Variants in ABCC12 observed in about 807,000 individuals in gnomAD.
ABCC12 encodes the protein ATP binding cassette subfamily C member 12.
Under a neutral mutation model 151.1 loss-of-function variants are expected in ABCC12, and 142 were observed. That is an observed-to-expected ratio of 0.94 (90% confidence interval 0.82 to 1.08). The LOEUF (loss-of-function observed/expected upper bound fraction) is 1.08. Among genes scored for constraint, ABCC12 ranks in the 50% least tolerant of loss-of-function variants. The pLI is 0.00. For missense variants in ABCC12, 1,638 were observed against 1,691.1 expected, an observed-to-expected ratio of 0.97 and a Z score of 0.55; for synonymous variants, 645 against 646.4, an observed-to-expected ratio of 1.00 and a Z score of 0.03.
chr16:48,116,852 G>A (rs372075531), intron 14 of ABCC12, among the ~76,000 whole-genome samples: 8 of 152,218 alleles, frequency 5.3e-5, no homozygotes, highest in Admixed American at 2.0e-4. Context: ...GGCTCAGCCC[G>A]TTTGGACAAG....
chr16:48,131,563 G>A (rs574313368), intron 9 of ABCC12, among the ~76,000 whole-genome samples: 3 of 152,290 alleles, frequency 2.0e-5, no homozygotes, highest in Admixed American at 2.0e-4. Flanking sequence ...TGCATAGTGG[G>A]TGGTTAATAT....
At chr16:48,138,536 T>C (rs1964688992) in intron 7 of ABCC12, among the ~76,000 whole-genome samples, 161 bp from the exon 8 acceptor site, 1 of 152,192 alleles carries the variant, frequency 6.6e-6, no homozygotes, top group South Asian at 2.1e-4. Flanking sequence ...GTTGATGCTG[T>C]CTGAGGAACA....
In ABCC12 at chr16:48,140,788, T is replaced by C. The variant is rs368065021; in HGVS notation, c.556A>G (p.Ile186Val). 5.5e-5 allele frequency: 89 copies of C among 1,614,076 alleles called. No homozygotes were observed. The highest frequency in any genetic ancestry group is 7.5e-5 in the Non-Finnish European group (89 of 1,180,044). The change falls in exon 6 of 31, where the codon ATC becomes GTC. Residue 186 changes from isoleucine (I) to valine (V), a missense_variant. Physicochemically the swap from Ile to Val is conservative, Grantham distance 29 (BLOSUM62 3). Transcript: ENST00000311303. Reference sequence around the variant, plus strand: ...AACCGGATGGCCGTGCGGTAGTTGATGGCCCAGGCAAGGGCCCAAAAGAAG... The same window carrying C: ...AACCGGATGGCCGTGCGGTAGTTGACGGCCCAGGCAAGGGCCCAAAAGAAG... Reference protein sequence around the residue: ...KVFFWALAWAINYRTAIRLKV... With the variant: ...KVFFWALAWAVNYRTAIRLKV...
intron 3 of ABCC12, among the ~76,000 whole-genome samples, chr16:48,145,346 T>G (rs2034072977): frequency 6.6e-6 from 1 of 152,222 alleles, no homozygotes; most frequent in Admixed American, 6.5e-5. Context: ...ATGGTTAGCA[T>G]AATGCTAATA....
intron 24 of ABCC12, among the ~76,000 whole-genome samples, chr16:48,092,723 C>T (rs1471119540): frequency 6.6e-5 from 10 of 152,226 alleles, no homozygotes; most frequent in East Asian, 5.8e-4. Flanking sequence ...AAGGCCACTG[C>T]GGGAGTGACA....
chr16:48,085,816 C>T (rs1036181879), intron 28 of ABCC12, 110 bp from the exon 29 acceptor site: 13 of 885,316 alleles, frequency 1.5e-5, no homozygotes, highest in Non-Finnish European at 2.2e-5. Context: ...CTTTATTTTA[C>T]TGTGGCAAAG....
At chr16:48,112,507 A>T (rs538236235) in intron 15 of ABCC12, among the ~76,000 whole-genome samples, 1 of 152,314 alleles carries the variant, frequency 6.6e-6, no homozygotes, top group East Asian at 1.9e-4. Context: ...AGGCAGGAGA[A>T]TCGCTTGAAC....
intron 25 of ABCC12, among the ~76,000 whole-genome samples, chr16:48,090,342 C>T (rs1351426138): frequency 6.6e-6 from 1 of 151,812 alleles, no homozygotes; most frequent in Non-Finnish European, 1.5e-5. Context: ...ACCCTACCTC[C>T]TTAACCTTCT....
intron 25 of ABCC12, among the ~76,000 whole-genome samples, chr16:48,089,751 T>A (rs1446543981): frequency 6.6e-6 from 1 of 152,246 alleles, no homozygotes; most frequent in Non-Finnish European, 1.5e-5. Context: ...ATTTTTAGTT[T>A]AAGAAATCTG....
chr16:48,124,416 A>G, intron 11 of ABCC12, 132 bp from the exon 12 acceptor site: 1 of 824,308 alleles, frequency 1.2e-6, no homozygotes. Flanking sequence ...GCTCTGGGGC[A>G]TGGCAGCTGC....
At chr16:48,143,796 A>G (rs1964902935) in intron 4 of ABCC12, 114 bp downstream of exon 4, 2 of 1,356,552 alleles carry the variant, frequency 1.5e-6, no homozygotes, top group South Asian at 3.0e-5. Context: ...CCCCAGTCAC[A>G]TGGAACTGTG....
In ABCC12 at chr16:48,104,333, AGTCGT is replaced by A. The variant is rs565086106; in HGVS notation, c.2704_2708del (p.Thr902SerfsTer116). On this transcript the variant is annotated frameshift_variant, in exon 22 of 31. Coordinates refer to ENST00000311303, the MANE Select transcript of ABCC12 (RefSeq NM_001393797.1). LOFTEE classifies it high-confidence loss of function. ...AACGGTTCATTAGCCTGCCAGTGGG[AGTCGT>A]GTCAAAGAAACTCATTGGGCTCTTT... The A allele has an allele frequency of 5.3e-4, 860 of 1,614,228 alleles. 18 individuals are homozygous for A. The South Asian group carries it at 8.9e-3, about 17-fold the overall frequency.
intron 11 of ABCC12, among the ~76,000 whole-genome samples, chr16:48,126,869 C>T (rs1046925693): frequency 2.6e-5 from 4 of 152,066 alleles, no homozygotes; most frequent in African/African-American, 7.2e-5. Context: ...CCAGAGTCAC[C>T]GACATATGGA....
At position 48,147,438 on chromosome 16, in the gene ABCC12, C is replaced by CG. The variant is rs779959285; in HGVS notation, c.-50-965dup. 6.6e-5 allele frequency among the ~76,000 whole-genome samples: 10 copies of CG among 152,260 alleles called. No individual in the cohort carries two copies. In the East Asian group the frequency reaches 1.5e-3, roughly 23 times the overall value. ...CAAAGGCCTTATTATTATATATAAA[C>CG]GGGGTCACATTCCCATGAGTTCTTT... is the stretch of plus-strand genomic sequence containing the variant. On this transcript the variant is annotated intron_variant, in intron 2 of 30. Transcript: ENST00000311303.
intron 11 of ABCC12, among the ~76,000 whole-genome samples, chr16:48,125,539 G>T (rs907874207): frequency 6.6e-6 from 1 of 152,184 alleles, no homozygotes; most frequent in Non-Finnish European, 1.5e-5. Flanking sequence ...GAGGAAGGGT[G>T]CCATGGGGTA....
Position 48,139,241 on chromosome 16 carries a change from A to T in ABCC12, c.753T>A (p.Cys251Ter), listed in dbSNP as rs1480495504. The T allele has an allele frequency of 5.0e-6, 8 of 1,614,212 alleles. No homozygotes were observed. Among genetic ancestry groups the T allele is most frequent in the Non-Finnish European group, 6.8e-6 (8 of 1,180,030 alleles). ...PATIPILMVF[C>*]AAYAFFILGP... ...CCAGAATGAAAAAGGCGTACGCCGC[A>T]CAAAAGACCATTAGGATCGGGATGG... Residue 251 changes from cysteine (C) to a stop codon, truncating the protein, a stop_gained, in exon 7 of 31, where the codon TGT becomes TGA. Coordinates refer to ENST00000311303, the MANE Select transcript of ABCC12 (RefSeq NM_001393797.1). LOFTEE classifies it high-confidence loss of function.
At chr16:48,147,747 A>G (rs1039459311) in intron 2 of ABCC12, among the ~76,000 whole-genome samples, 1 of 152,178 alleles carries the variant, frequency 6.6e-6, no homozygotes, top group Non-Finnish European at 1.5e-5. Context: ...CTTATATTAT[A>G]TAACAAGAGG....
At chr16:48,146,601 T>C in intron 2 of ABCC12, 127 bp from the exon 3 acceptor site, 3 of 592,416 alleles carry the variant, frequency 5.1e-6, no homozygotes, top group Non-Finnish European at 6.0e-6. Flanking sequence ...CAATGAGCTT[T>C]CCACATTTGT....
rs184854925 is a variant in ABCC12 at position 48,144,804 on chromosome 16, G to A, written c.120-739C>T. Among the ~76,000 whole-genome samples the A allele has an allele frequency of 6.3e-4, 96 of 152,206 alleles. 1 individual carries two copies. The highest frequency in any genetic ancestry group is 1.0e-4 in the Non-Finnish European group (7 of 68,022). On this transcript the variant is annotated intron_variant, in intron 3 of 30. Transcript: ENST00000311303. ...TAAAATCATGTGAATAAGGTACTAC[G>A]AGCTCAGCACATAGTAAAAATTCCC...
Sources: allele counts gnomAD v4.1 joint callset (sites outside exome capture counted in the v4.1 genomes callset), GRCh38; gene constraint gnomAD v4.1.1; transcripts MANE v1.5; gene names NCBI Gene and HGNC (gene_info 2026-07-23, HGNC 2026-07-21).